CDH23: variants seen among roughly 807,000 people sequenced by gnomAD.
CDH23 encodes cadherin-23.
CDH23 carries 189 observed loss-of-function variants against 317.1 expected under a neutral mutation model. The observed-to-expected ratio is 0.60, with a 90% CI of 0.53 to 0.67. CDH23 has a LOEUF of 0.67. Among genes scored for constraint, CDH23 ranks in the 30% least tolerant of loss-of-function variants. The pLI, the probability that CDH23 is intolerant of heterozygous loss-of-function variation, is 0.00. For synonymous variants in CDH23, 1,839 were observed against 1,876.8 expected, an observed-to-expected ratio of 0.98 and a Z score of 0.52; for missense variants, 4,401 against 4,592.4, an observed-to-expected ratio of 0.96 and a Z score of 1.20.
chr10:71,755,051 C>T (rs760530982), intron 38 of CDH23: 4 of 532,262 alleles, frequency 7.5e-6, no homozygotes, highest in South Asian at 4.6e-5. Flanking sequence ...TGAGTGGCAG[C>T]AACTTGCTTT....
chr10:71,405,615 T>C (rs1848062073), intron 1 of CDH23, among the ~76,000 whole-genome samples: 1 of 152,078 alleles, frequency 6.6e-6, no homozygotes, highest in Non-Finnish European at 1.5e-5. Context: ...TTTTTGTATT[T>C]TTAGTAGAGA....
intron 28 of CDH23, among the ~76,000 whole-genome samples, chr10:71,720,299 G>A (rs967142251): frequency 6.6e-6 from 1 of 152,072 alleles, no homozygotes; most frequent in African/African-American, 2.4e-5. Context: ...GAGGGGTGAG[G>A]GGCATCTTCA....
intron 6 of CDH23, among the ~76,000 whole-genome samples, chr10:71,538,396 G>A (rs908757897): frequency 6.6e-6 from 1 of 152,106 alleles, no homozygotes; most frequent in Admixed American, 6.5e-5. Context: ...GAATTGGAAG[G>A]GACCTTCCAG....
At chr10:71,530,335 C>A (rs531256073) in intron 6 of CDH23, among the ~76,000 whole-genome samples, 2 of 152,312 alleles carry the variant, frequency 1.3e-5, no homozygotes, top group African/African-American at 4.8e-5. Context: ...CCAGCTCAGG[C>A]CTTCCTCTCA....
In CDH23 at chr10:71,435,608, C is replaced by T. The variant is rs116739214; in HGVS notation, c.-5-4219C>T. ...TCTGGAGCAGGTCTCTGGCACCTAT[C>T]CCAGGTCCAAGCAGGAAGCCCAGCA... On this transcript the variant is annotated intron_variant, in intron 1 of 69. Coordinates refer to ENST00000224721, the MANE Select transcript of CDH23 (RefSeq NM_022124.6). 3.4e-3 allele frequency among the ~76,000 whole-genome samples: 525 copies of T among 152,304 alleles called. 1 individual carries two copies. Among genetic ancestry groups the T allele is most frequent in the African/African-American group, 0.012 (499 of 41,564 alleles).
chr10:71,721,733 A>G (rs1213189984), intron 28 of CDH23, among the ~76,000 whole-genome samples: 1 of 152,162 alleles, frequency 6.6e-6, no homozygotes, highest in African/African-American at 2.4e-5. Flanking sequence ...CTCTGCCTTC[A>G]TACCACCATG....
intron 9 of CDH23, among the ~76,000 whole-genome samples, chr10:71,599,701 G>A (rs1860092241): frequency 6.6e-6 from 1 of 152,164 alleles, no homozygotes. Flanking sequence ...GCAGACCAGA[G>A]AGCCACATCT....
Position 71,667,359 on chromosome 10 carries a change from A to AGAGAGT in CDH23, c.1450-7752_1450-7751insAGAGTG, listed in dbSNP as rs58361666. On this transcript the variant is annotated intron_variant, in intron 14 of 69. Coordinates refer to ENST00000224721, the MANE Select transcript of CDH23 (RefSeq NM_022124.6). ...GCTTGAGGCAGAGAAAGAGAGAGAG[A>AGAGAGT]GTGTGTGTGTGTGTGTGTGTGTGTG... 1.5e-4 allele frequency among the ~76,000 whole-genome samples: 17 copies of AGAGAGT among 112,116 alleles called. No individual in the cohort carries two copies. In the East Asian group the frequency reaches 2.3e-3, roughly 15 times the overall value. The allele number at this position is 112,116 out of a possible 152,430, so 73.6% of individuals were successfully genotyped here.
chr10:71,633,189 A>C (rs2132557724), intron 11 of CDH23, among the ~76,000 whole-genome samples: 1 of 152,098 alleles, frequency 6.6e-6, no homozygotes, highest in South Asian at 2.1e-4. Context: ...CACCTCTTAA[A>C]GGCCCCACCT....
chr10:71,756,968 A>C (rs749388130), intron 38 of CDH23, among the ~76,000 whole-genome samples: 14 of 152,384 alleles, frequency 9.2e-5, no homozygotes, highest in Non-Finnish European at 1.8e-4. Flanking sequence ...CCACTGGTAC[A>C]GGAACAGTTG....
chr10:71,487,884 C>T (rs187938102), intron 3 of CDH23, among the ~76,000 whole-genome samples: 3 of 152,330 alleles, frequency 2.0e-5, no homozygotes, highest in Admixed American at 6.5e-5. Context: ...AGCCTACTTC[C>T]TTCTCATTTT....
intron 3 of CDH23, among the ~76,000 whole-genome samples, chr10:71,500,063 G>A (rs141180968): frequency 6.6e-6 from 1 of 151,040 alleles, no homozygotes; most frequent in Non-Finnish European, 1.5e-5. Flanking sequence ...AGCACAATAG[G>A]GTGGCTATAG....
intron 9 of CDH23, among the ~76,000 whole-genome samples, chr10:71,590,873 T>TAAAAAAAAAACAAA (rs1859423643): frequency 2.8e-5 from 2 of 72,296 alleles, no homozygotes; most frequent in Admixed American, 1.2e-4. Context: ...ACCCTGTCTC[T>TAAAAAAAAAACAAA]AAAAAAAAAA....
At chr10:71,518,311 G>A (rs1019925455) in intron 6 of CDH23, among the ~76,000 whole-genome samples, 5 of 152,164 alleles carry the variant, frequency 3.3e-5, no homozygotes, top group Middle Eastern at 3.2e-3. Context: ...CTATGAACTC[G>A]TTCTCACCTG....
chr10:71,496,749 T>A (rs1262004871), intron 3 of CDH23, among the ~76,000 whole-genome samples: 1 of 152,180 alleles, frequency 6.6e-6, no homozygotes, highest in Non-Finnish European at 1.5e-5. Context: ...CCCATTGGAA[T>A]CACTCGAGTG....
intron 11 of CDH23, among the ~76,000 whole-genome samples, chr10:71,636,839 A>G (rs1217918604): frequency 6.6e-6 from 1 of 152,180 alleles, no homozygotes; most frequent in East Asian, 1.9e-4. Flanking sequence ...GTGGCGGGGC[A>G]GGCCTGAAGG....
intron 6 of CDH23, chr10:71,512,249 C>A: frequency 6.6e-6 from 1 of 152,306 alleles, no homozygotes; most frequent in Non-Finnish European, 1.5e-5. Context: ...CACTCCCTGG[C>A]CTCTGTTACT....
chr10:71,530,305 C>A (rs1350954769), intron 6 of CDH23, among the ~76,000 whole-genome samples: 2 of 152,232 alleles, frequency 1.3e-5, no homozygotes, highest in African/African-American at 4.8e-5. Context: ...GAGAGGCCCA[C>A]CTTTCCCGGC....
chr10:71,609,333 A>C (rs898734488), intron 9 of CDH23, among the ~76,000 whole-genome samples: 3 of 149,992 alleles, frequency 2.0e-5, no homozygotes, highest in African/African-American at 7.4e-5. Flanking sequence ...CCTAGAAAAC[A>C]GCAGAAGTCC....
Sources: gnomAD v4.1 joint callset for allele counts (sites outside exome capture counted in the v4.1 genomes callset) on GRCh38, gnomAD v4.1.1 for gene constraint, MANE v1.5 for transcripts, NCBI Gene and HGNC (gene_info 2026-07-23, HGNC 2026-07-21) for gene names.